Variants in KIAA1671 observed in about 807,000 individuals in gnomAD.
KIAA1671 encodes the protein KIAA1671, also known as uncharacterized protein KIAA1671.
A neutral mutation model predicts 131.2 loss-of-function variants in KIAA1671; 52 were observed. The observed-to-expected ratio is 0.40, with a 90% confidence interval of 0.32 to 0.50. The LOEUF is 0.50. Ranked by LOEUF, KIAA1671 falls within the 20% of genes least tolerant of loss-of-function variation. The pLI is 0.73. For synonymous variants in KIAA1671, 1,003 were observed against 961.6 expected, an observed-to-expected ratio of 1.04 and a Z score of -0.80; for missense variants, 2,360 against 2,364.2, an observed-to-expected ratio of 1.00 and a Z score of 0.04.
At chr22:25,033,677 C>T (rs1926427964) in intron 4 of KIAA1671, among the ~76,000 whole-genome samples, 1 of 140,680 alleles carries the variant, frequency 7.1e-6, no homozygotes, top group Admixed American at 7.6e-5. Flanking sequence ...CTCCCGGGTT[C>T]AAGCAATTCT....
At chr22:25,092,833 T>C (rs1030779941) in intron 6 of KIAA1671, among the ~76,000 whole-genome samples, 1 of 152,040 alleles carries the variant, frequency 6.6e-6, no homozygotes, top group Non-Finnish European at 1.5e-5. Flanking sequence ...GGGGAGCTGT[T>C]GCGAGTTGGT....
At chr22:25,073,168 A>G (rs1928917275) in intron 6 of KIAA1671, among the ~76,000 whole-genome samples, 1 of 152,168 alleles carries the variant, frequency 6.6e-6, no homozygotes, top group Admixed American at 6.5e-5. Flanking sequence ...CCTGAGCTCA[A>G]GTGATCCTCC....
At chr22:25,177,172 G>A in intron 8 of KIAA1671, 176 bp from the exon 9 acceptor site, 2 of 628,656 alleles carry the variant, frequency 3.2e-6, no homozygotes, top group African/African-American at 3.7e-5. Flanking sequence ...TATGTTTTAT[G>A]GGGAAATTTA....
At chr22:24,997,658 G>A (rs976836110) in intron 1 of KIAA1671, among the ~76,000 whole-genome samples, 1 of 152,130 alleles carries the variant, frequency 6.6e-6, no homozygotes, top group African/African-American at 2.4e-5. Context: ...GGCTGTGGTG[G>A]TGAGGGGTGT....
chr22:25,172,783 G>A (rs531555649), intron 7 of KIAA1671, among the ~76,000 whole-genome samples: 6 of 152,188 alleles, frequency 3.9e-5, no homozygotes, highest in Non-Finnish European at 8.8e-5. Context: ...CATAGGAAGA[G>A]ATTTCAGAAG....
At chr22:25,161,803 A>G (rs1380915387) in intron 6 of KIAA1671, among the ~76,000 whole-genome samples, 1 of 152,090 alleles carries the variant, frequency 6.6e-6, no homozygotes, top group Non-Finnish European at 1.5e-5. Flanking sequence ...CTGTGGATGC[A>G]CTTCGGGATG....
intron 6 of KIAA1671, chr22:25,049,777 G>A (rs549250465): frequency 2.5e-5 from 4 of 159,186 alleles, no homozygotes; most frequent in East Asian, 1.8e-4. Context: ...GCTGTGTTGC[G>A]AGGATGGAAT....
chr22:25,190,474 G>A (rs528934993), intron 11 of KIAA1671, among the ~76,000 whole-genome samples: 10 of 152,320 alleles, frequency 6.6e-5, no homozygotes, highest in African/African-American at 2.4e-4. Flanking sequence ...CTGTGGCCCA[G>A]GGGGTTGGGG....
intron 6 of KIAA1671, among the ~76,000 whole-genome samples, chr22:25,106,624 G>C (rs1931015326): frequency 1.3e-5 from 2 of 152,166 alleles, no homozygotes; most frequent in Admixed American, 1.3e-4. Flanking sequence ...GACGGGGTGG[G>C]TCTAGAATAA....
At chr22:25,135,656 A>G (rs1932644201) in intron 6 of KIAA1671, among the ~76,000 whole-genome samples, 1 of 152,216 alleles carries the variant, frequency 6.6e-6, no homozygotes, top group African/African-American at 2.4e-5. Flanking sequence ...AGATGTTATT[A>G]TAATAAAATG....
intron 6 of KIAA1671, among the ~76,000 whole-genome samples, chr22:25,107,309 C>T (rs577178881): frequency 3.3e-5 from 5 of 151,822 alleles, no homozygotes; most frequent in South Asian, 4.2e-4. Context: ...CCCAGCTATT[C>T]GGGAGACTGA....
chr22:24,966,559 C>T (rs1171768790), intron 1 of KIAA1671, among the ~76,000 whole-genome samples: 1 of 152,180 alleles, frequency 6.6e-6, no homozygotes, highest in Non-Finnish European at 1.5e-5. Flanking sequence ...CTGGAAAGTG[C>T]TTGTCTTTGT....
In KIAA1671 at chr22:25,029,380, G is replaced by T; in HGVS notation, c.1381G>T (p.Ala461Ser). The change falls in exon 3 of 13, where the codon GCC becomes TCC. Residue 461 changes from alanine to serine, a missense_variant. Ala to Ser is a moderately conservative substitution (Grantham distance 99). Transcript: ENST00000358431. The stretch of plus-strand genomic sequence containing the variant: ...GGCAGTGGGGTCTGAATCTCCCCTG[G>T]CCACCCCTGCGTCCCCATCGGCGGC... ...ALAVGSESPL[A>S]TPASPSAAPE... 1 of 1,551,380 alleles carries T rather than the reference G, an allele frequency of 6.4e-7. No individual in the cohort carries two copies. The highest frequency in any genetic ancestry group is 8.7e-7 in the Non-Finnish European group (1 of 1,146,826).
rs147236229 is a variant in KIAA1671, at chr22:24,961,237, C to T, written c.-208+8465C>T. 8.1e-3 allele frequency among the ~76,000 whole-genome samples: 1,229 copies of T among 152,272 alleles called. 17 individuals are homozygous for T. The highest frequency in any genetic ancestry group is 0.028 in the African/African-American group (1,178 of 41,552). ...CTAGTTTCAAACTCCTCAAGCGATC[C>T]TGCTGCCTCAGCCTCCCAAAGTGGT... On this transcript the variant is annotated intron_variant, in intron 1 of 12. Transcript: ENST00000358431.
chr22:24,992,964 T>C (rs1223257953), intron 1 of KIAA1671, among the ~76,000 whole-genome samples: 1 of 151,982 alleles, frequency 6.6e-6, no homozygotes, highest in Non-Finnish European at 1.5e-5. Context: ...AACTTACCCA[T>C]GCTCATAGAG....
intron 6 of KIAA1671, chr22:25,111,140 C>T (rs1367851418): frequency 6.6e-6 from 1 of 152,328 alleles, no homozygotes. Context: ...ACCAGAGGTC[C>T]CAAGACGCTG....
chr22:25,075,120 A>T (rs747589411), intron 6 of KIAA1671, among the ~76,000 whole-genome samples: 6 of 152,188 alleles, frequency 3.9e-5, no homozygotes, highest in Non-Finnish European at 5.9e-5. Flanking sequence ...TAAACTCCAG[A>T]CTAAATTCCA....
chr22:25,181,236 G>A (rs1338120485), intron 9 of KIAA1671, among the ~76,000 whole-genome samples: 3 of 152,202 alleles, frequency 2.0e-5, no homozygotes, highest in Non-Finnish European at 2.9e-5. Flanking sequence ...GTTAAGTCCT[G>A]GATAGGGGAG....
At chr22:25,121,477 A>AG (rs1324945833) in intron 6 of KIAA1671, among the ~76,000 whole-genome samples, 182 of 152,088 alleles carry the variant, frequency 1.2e-3, no homozygotes, top group African/African-American at 4.1e-3. Context: ...AAAAAAAAAA[A>AG]AGAGAATGGA....
Sources: allele counts gnomAD v4.1 joint callset (sites outside exome capture counted in the v4.1 genomes callset), GRCh38; gene constraint gnomAD v4.1.1; transcripts MANE v1.5; gene names NCBI Gene and HGNC (gene_info 2026-07-23, HGNC 2026-07-21).